The following DSCAML1 variants were observed in gnomAD, a reference collection of about 807,000 sequenced individuals.
DSCAML1 encodes the protein cell adhesion molecule DSCAML1.
DSCAML1 carries 38 observed loss-of-function variants against 200.5 expected under a neutral mutation model. The observed-to-expected ratio is 0.19, with a 90% confidence interval of 0.15 to 0.25. The LOEUF (loss-of-function observed/expected upper bound fraction) is 0.25. DSCAML1 is among the 10% of genes least tolerant of loss of function. The probability of loss-of-function intolerance (pLI) is 1.00; values close to 1 mark genes in which losing one functional copy is unlikely to be tolerated. For synonymous variants in DSCAML1, 1,215 were observed against 1,165.0 expected, an observed-to-expected ratio of 1.04 and a Z score of -0.87; for missense variants, 2,223 against 2,858.8, an observed-to-expected ratio of 0.78 and a Z score of 5.07.
chr11:117,785,947 C>T (rs1034572746), intron 1 of DSCAML1, among the ~76,000 whole-genome samples: 4 of 152,266 alleles, frequency 2.6e-5, no homozygotes, highest in Non-Finnish European at 5.9e-5. Context: ...GCTCCAAACC[C>T]GAGCTTTTTC....
chr11:117,618,488 T>C (rs73590623), intron 3 of DSCAML1, among the ~76,000 whole-genome samples: 1,769 of 152,288 alleles, frequency 0.012, 30 homozygotes, highest in African/African-American at 0.039. Flanking sequence ...CCAGCCACCC[T>C]GAGTCTTCTC....
chr11:117,754,091 G>A (rs143410216), intron 3 of DSCAML1, among the ~76,000 whole-genome samples: 16 of 152,126 alleles, frequency 1.1e-4, no homozygotes, highest in East Asian at 5.8e-4. Flanking sequence ...AGAGATTCCC[G>A]ACTTTTGGAT....
chr11:117,501,207 G>A (rs1306728757), intron 11 of DSCAML1, among the ~76,000 whole-genome samples: 1 of 152,128 alleles, frequency 6.6e-6, no homozygotes, highest in Non-Finnish European at 1.5e-5. Context: ...AAAAGAGCAG[G>A]CAAGGAGAGA....
chr11:117,785,656 C>T (rs2055339167), intron 1 of DSCAML1, among the ~76,000 whole-genome samples: 1 of 152,154 alleles, frequency 6.6e-6, no homozygotes, highest in Non-Finnish European at 1.5e-5. Context: ...TATCCAAGTT[C>T]TTGTAGTCCT....
chr11:117,693,109 TA>T (rs2137724141), intron 3 of DSCAML1, among the ~76,000 whole-genome samples: 1 of 152,310 alleles, frequency 6.6e-6, no homozygotes, highest in South Asian at 2.1e-4. Context: ...AATCTAACTT[TA>T]ATTCAGCTCA....
At chr11:117,712,323 G>C (rs1239922359) in intron 3 of DSCAML1, among the ~76,000 whole-genome samples, 2 of 152,108 alleles carry the variant, frequency 1.3e-5, no homozygotes, top group Non-Finnish European at 2.9e-5. Flanking sequence ...GTGGGGGTTG[G>C]GGAGGGTTCT....
chr11:117,569,326 T>C (rs1017158999), intron 3 of DSCAML1, among the ~76,000 whole-genome samples: 1 of 152,202 alleles, frequency 6.6e-6, no homozygotes, highest in Non-Finnish European at 1.5e-5. Context: ...ACTTCATGTC[T>C]AAAACACCGA....
At chr11:117,809,437 G>A (rs1051362694) in intron 1 of DSCAML1, among the ~76,000 whole-genome samples, 1 of 152,238 alleles carries the variant, frequency 6.6e-6, no homozygotes, top group African/African-American at 2.4e-5. Flanking sequence ...GGTCCTCCGC[G>A]GAAGGAAGCT....
chr11:117,721,713 AATATATC>A (rs1403054195), intron 3 of DSCAML1, among the ~76,000 whole-genome samples: 2 of 147,508 alleles, frequency 1.4e-5, no homozygotes, highest in Admixed American at 6.8e-5. Context: ...GTTTATATAA[AATATATC>A]ATATATCATA....
In DSCAML1 at chr11:117,536,415, C is replaced by G. The variant is rs557942397; in HGVS notation, c.512-3893G>C. ...CCTGGGAAGGGAGAAGAGTAGCTGG[C>G]CCACGTTCTCTGCTTTGAGGCAGGC... On this transcript the variant is annotated intron_variant, in intron 3 of 32. Coordinates refer to ENST00000651296, the MANE Select transcript of DSCAML1 (RefSeq NM_020693.4). Among the ~76,000 whole-genome samples the G allele has an allele frequency of 5.2e-4, 79 of 152,318 alleles. No homozygotes were observed. The South Asian group carries it at 0.016, about 31-fold the overall frequency.
intron 3 of DSCAML1, among the ~76,000 whole-genome samples, chr11:117,588,370 A>G (rs1469686091): frequency 6.6e-6 from 1 of 152,046 alleles, no homozygotes; most frequent in Non-Finnish European, 1.5e-5. Context: ...TGCCCATTCC[A>G]ATCACTTTTG....
chr11:117,448,339 C>T (rs758501741), intron 20 of DSCAML1, among the ~76,000 whole-genome samples: 15 of 152,128 alleles, frequency 9.9e-5, no homozygotes, highest in Non-Finnish European at 1.9e-4. Context: ...AGGCTGCTAC[C>T]GATTCATTCT....
chr11:117,482,291 G>A (rs1369903064), intron 11 of DSCAML1, 129 bp from the exon 12 acceptor site: 11 of 1,087,012 alleles, frequency 1.0e-5, no homozygotes, highest in African/African-American at 1.6e-5. Flanking sequence ...AAGGAGTACA[G>A]GGAACCCCAC....
chr11:117,501,524 C>T (rs1404525554), intron 11 of DSCAML1, among the ~76,000 whole-genome samples: 1 of 152,192 alleles, frequency 6.6e-6, no homozygotes, highest in Non-Finnish European at 1.5e-5. Flanking sequence ...TTGGCCCTGC[C>T]TCTTCCCCTC....
intron 8 of DSCAML1, among the ~76,000 whole-genome samples, chr11:117,513,185 A>G (rs1295191564): frequency 6.6e-6 from 1 of 152,060 alleles, no homozygotes; most frequent in East Asian, 1.9e-4. Context: ...TGCTTAAAGG[A>G]GGCAGGTTGA....
intron 5 of DSCAML1, among the ~76,000 whole-genome samples, chr11:117,523,566 G>T (rs578129383): frequency 6.6e-6 from 1 of 152,178 alleles, no homozygotes; most frequent in Non-Finnish European, 1.5e-5. Flanking sequence ...GTGTTGGGGC[G>T]CTCTTCCAGG....
At chr11:117,694,091 A>ATT (rs1295385184) in intron 3 of DSCAML1, among the ~76,000 whole-genome samples, 44 of 144,516 alleles carry the variant, frequency 3.0e-4, no homozygotes, top group East Asian at 2.3e-3. Flanking sequence ...ACATATATAT[A>ATT]TATTTTTTAA....
At position 117,471,987 on chromosome 11, in the gene DSCAML1, G is replaced by C; in HGVS notation, c.2835C>G (p.Asn945Lys). The C allele has an allele frequency of 6.2e-7, 1 of 1,614,192 alleles. No individual in the cohort carries two copies. The highest frequency in any genetic ancestry group is 2.2e-5 in the East Asian group (1 of 44,896). The part of the protein sequence containing the change: ...QSTRNISPTI[N>K]QANIVDLHPA... ...GGTGCAAGTCCACAATGTTGGCCTG[G>C]TTGATGGTGGGGGAGATGTTGCGTG... The change falls in exon 15 of 33, where the codon AAC becomes AAG. Residue 945 changes from asparagine to lysine, a missense_variant. Coordinates refer to ENST00000651296, the MANE Select transcript of DSCAML1 (RefSeq NM_020693.4).
chr11:117,582,260 G>C (rs1482876115), intron 3 of DSCAML1, among the ~76,000 whole-genome samples: 1 of 152,204 alleles, frequency 6.6e-6, no homozygotes, highest in Non-Finnish European at 1.5e-5. Flanking sequence ...CCTGGGATGT[G>C]GTATGGTTTG....
Sources: gnomAD v4.1 joint callset for allele counts (sites outside exome capture counted in the v4.1 genomes callset) on GRCh38, gnomAD v4.1.1 for gene constraint, MANE v1.5 for transcripts, NCBI Gene and HGNC (gene_info 2026-07-23, HGNC 2026-07-21) for gene names.